Variants in FRMD4B observed in about 807,000 individuals in gnomAD.
The protein encoded by FRMD4B is FERM domain-containing protein 4B.
A neutral mutation model predicts 141.5 loss-of-function variants in FRMD4B; 74 were observed. The observed-to-expected ratio is 0.52, with a 90% CI of 0.43 to 0.63. The LOEUF is 0.63. Ranked by LOEUF, FRMD4B falls within the 30% of genes least tolerant of loss-of-function variation. The pLI is 0.00. For synonymous variants in FRMD4B, 506 were observed against 467.9 expected (o/e 1.08, Z -1.05); for missense variants, 1,366 against 1,253.4 (o/e 1.09, Z -1.36).
intron 2 of FRMD4B, among the ~76,000 whole-genome samples, chr3:69,410,612 G>A (rs1326592052): frequency 6.6e-6 from 1 of 150,944 alleles, no homozygotes; most frequent in Non-Finnish European, 1.5e-5. Flanking sequence ...TGAGAGGAAG[G>A]AAGGAAAATA....
Position 69,385,933 on chromosome 3 carries a change from G to C in FRMD4B, c.57C>G (p.Phe19Leu). 1.2e-6 allele frequency: 2 copies of C among 1,604,516 alleles called. No individual in the cohort carries two copies. Among genetic ancestry groups the C allele is most frequent in the African/African-American group, 1.3e-5 (1 of 74,708 alleles). The change falls in exon 1 of 23, where the codon TTC becomes TTG. Residue 19 changes from phenylalanine (F) to leucine (L), a missense_variant. Transcript: ENST00000398540. The part of the protein sequence containing the change: ...VEDLLFSGSR[F>L]VWNLTVSTLR... ...GCGTGGACACGGTCAAGTTCCATACGAAGCGGCTGCCGCTGAACAGCAGGT... is the reference window on the plus strand; with the variant it reads ...GCGTGGACACGGTCAAGTTCCATACCAAGCGGCTGCCGCTGAACAGCAGGT...
At chr3:69,502,531 T>A (rs1049385473) in intron 1 of FRMD4B, among the ~76,000 whole-genome samples, 3 of 152,060 alleles carry the variant, frequency 2.0e-5, no homozygotes, top group African/African-American at 7.2e-5. Context: ...AAAAATTAAT[T>A]CAAGATGGAT....
intron 1 of FRMD4B, among the ~76,000 whole-genome samples, chr3:69,438,276 T>TG (rs1423247462): frequency 1.3e-5 from 2 of 151,848 alleles, no homozygotes; most frequent in East Asian, 1.9e-4. Context: ...GGGTAACTTT[T>TG]AATTTTTTTT....
intron 11 of FRMD4B, chr3:69,200,768 C>A: frequency 1.1e-6 from 1 of 942,256 alleles, no homozygotes; most frequent in Non-Finnish European, 1.5e-6. Context: ...ACGAATTTCA[C>A]CGGAGGCTGT....
chr3:69,331,975 C>A (rs1308198931), intron 1 of FRMD4B, among the ~76,000 whole-genome samples: 1 of 152,088 alleles, frequency 6.6e-6, no homozygotes, highest in Admixed American at 6.6e-5. Context: ...GTAATCCCAG[C>A]CACTCGGGAT....
rs534147392 is a variant in FRMD4B, at chr3:69,464,661, G to C, written c.-128-31900C>G. Among the ~76,000 whole-genome samples, 37 of 152,300 alleles carry C rather than the reference G, an allele frequency of 2.4e-4. No homozygotes were observed. In the East Asian group the frequency reaches 7.2e-3, roughly 29 times the overall value. On this transcript the variant is annotated intron_variant, in intron 1 of 5. Transcript: ENST00000459638. ...ATATCACTATTTCACAGCCCTTAAT[G>C]AATTAATGGATCCATCACTGATTGC...
chr3:69,409,228 T>A (rs1704712876), intron 2 of FRMD4B, among the ~76,000 whole-genome samples: 1 of 152,138 alleles, frequency 6.6e-6, no homozygotes, highest in Non-Finnish European at 1.5e-5. Flanking sequence ...ACTAGCGGAT[T>A]CCGGCTCAGT....
At chr3:69,323,478 T>C (rs1044287123) in intron 1 of FRMD4B, among the ~76,000 whole-genome samples, 4 of 151,490 alleles carry the variant, frequency 2.6e-5, no homozygotes, top group Admixed American at 2.6e-4. Context: ...TGAGGCAGAA[T>C]TGCTTGAACC....
intron 1 of FRMD4B, among the ~76,000 whole-genome samples, chr3:69,473,560 C>T (rs969543585): frequency 2.0e-5 from 3 of 152,166 alleles, no homozygotes; most frequent in African/African-American, 4.8e-5. Context: ...ATTTACCTCT[C>T]CAGCCATATC....
At chr3:69,525,929 G>C (rs1013659429) in intron 1 of FRMD4B, among the ~76,000 whole-genome samples, 8 of 152,036 alleles carry the variant, frequency 5.3e-5, no homozygotes, top group African/African-American at 1.9e-4. Flanking sequence ...AAAGTGCTAG[G>C]ATTACAGGTG....
At chr3:69,469,155 C>A (rs1038237171) in intron 1 of FRMD4B, among the ~76,000 whole-genome samples, 7 of 152,060 alleles carry the variant, frequency 4.6e-5, no homozygotes, top group Non-Finnish European at 1.5e-5. Flanking sequence ...AAGGGAGGCT[C>A]GGGGATGTAG....
At chr3:69,410,638 G>A (rs1272818476) in intron 2 of FRMD4B, among the ~76,000 whole-genome samples, 1 of 150,428 alleles carries the variant, frequency 6.6e-6, no homozygotes, top group East Asian at 1.9e-4. Context: ...TTTTACCTAC[G>A]GGTTCAGCAT....
chr3:69,188,231 G>T (rs2092791546), intron 18 of FRMD4B, among the ~76,000 whole-genome samples: 1 of 152,130 alleles, frequency 6.6e-6, no homozygotes, highest in Admixed American at 6.6e-5. Flanking sequence ...CTATATTAAA[G>T]AAAACCCCCA....
chr3:69,370,517 T>C (rs1703795235), intron 1 of FRMD4B, among the ~76,000 whole-genome samples: 1 of 152,248 alleles, frequency 6.6e-6, no homozygotes, highest in African/African-American at 2.4e-5. Flanking sequence ...GCTTTTCTGA[T>C]GAAATGGTCG....
chr3:69,275,240 A>G (rs2093612386), intron 5 of FRMD4B, among the ~76,000 whole-genome samples: 1 of 152,182 alleles, frequency 6.6e-6, no homozygotes. Flanking sequence ...CATTTTCTAA[A>G]TTTTCTACAA....
intron 1 of FRMD4B, among the ~76,000 whole-genome samples, chr3:69,460,368 C>T (rs901773261): frequency 2.0e-5 from 3 of 152,118 alleles, no homozygotes; most frequent in African/African-American, 4.8e-5. Flanking sequence ...TAGAGAGACA[C>T]GGTGATGCAG....
intron 1 of FRMD4B, among the ~76,000 whole-genome samples, chr3:69,377,918 C>A (rs1704015562): frequency 6.6e-6 from 1 of 151,776 alleles, no homozygotes; most frequent in South Asian, 2.1e-4. Context: ...TTAAGCCATT[C>A]TCCTGCCTCA....
intron 5 of FRMD4B, among the ~76,000 whole-genome samples, chr3:69,283,970 C>CAAAAAAAAAAAAAA (rs146536193): frequency 2.2e-5 from 3 of 137,714 alleles, no homozygotes; most frequent in Admixed American, 7.3e-5. Flanking sequence ...CAAAACAAAA[C>CAAAAAAAAAAAAAA]AAAACAAAAA....
intron 1 of FRMD4B, among the ~76,000 whole-genome samples, chr3:69,320,170 C>T (rs887579088): frequency 2.6e-5 from 4 of 152,158 alleles, no homozygotes; most frequent in African/African-American, 9.7e-5. Context: ...CAAGGTTACT[C>T]ATGTAATAAA....
Sources: allele counts gnomAD v4.1 joint callset (sites outside exome capture counted in the v4.1 genomes callset), GRCh38; gene constraint gnomAD v4.1.1; transcripts MANE v1.5; gene names NCBI Gene and HGNC (gene_info 2026-07-23, HGNC 2026-07-21).